Variants in PPA2 observed in about 807,000 individuals in gnomAD.
The protein encoded by PPA2 is inorganic pyrophosphatase 2, mitochondrial.
A neutral mutation model predicts 49.5 loss-of-function variants in PPA2; 48 were observed. The ratio of observed to expected loss-of-function variants is 0.97; its 90% confidence interval spans 0.77 to 1.23. The LOEUF (loss-of-function observed/expected upper bound fraction) is 1.23, where lower values mean the gene tolerates loss of function less well. Among genes scored for constraint, PPA2 ranks in the 50% most tolerant of loss-of-function variants. The pLI is 0.00. For synonymous variants in PPA2, 131 were observed against 139.9 expected (o/e 0.94, Z 0.45); for missense variants, 429 against 410.1 (o/e 1.05, Z -0.40).
intron 7 of PPA2, chr4:105,399,456 A>C: frequency 4.7e-6 from 1 of 211,164 alleles, no homozygotes; most frequent in Non-Finnish European, 9.3e-6. Flanking sequence ...TCTTTTCATC[A>C]AGATACTCAG....
rs776212790 is a variant in PPA2, at chr4:105,399,180, C to CA, written c.656-17dup. 38 of 1,579,450 alleles carry CA rather than the reference C, an allele frequency of 2.4e-5. No homozygotes were observed. On this transcript the variant is annotated splice_polypyrimidine_tract_variant and intron_variant, in intron 7 of 11. Coordinates refer to ENST00000341695, the MANE Select transcript of PPA2 (RefSeq NM_176869.3). Reference sequence around the variant, plus strand: ...TCATCAATATCTGTAAAGAAAAAAACAAAAAGATGTTTTGTTAAGAACCAA... The same window carrying CA: ...TCATCAATATCTGTAAAGAAAAAAACAAAAAAGATGTTTTGTTAAGAACCAA...
chr4:105,402,493 T>C (rs1001525611), intron 7 of PPA2, among the ~76,000 whole-genome samples: 8 of 152,128 alleles, frequency 5.3e-5, no homozygotes, highest in African/African-American at 1.2e-4. Flanking sequence ...AGACAGTAAA[T>C]GCAAATCTTC....
chr4:105,380,785 G>T (rs892971573), intron 10 of PPA2, among the ~76,000 whole-genome samples: 12 of 151,922 alleles, frequency 7.9e-5, no homozygotes, highest in Admixed American at 5.9e-4. Context: ...ATACATAAAT[G>T]GTACATACTA....
At chr4:105,422,675 T>C (rs1279878605) in intron 7 of PPA2, among the ~76,000 whole-genome samples, 4 of 152,208 alleles carry the variant, frequency 2.6e-5, no homozygotes, top group Non-Finnish European at 5.9e-5. Context: ...TCAAACTGTG[T>C]ACTATTTACA....
intron 9 of PPA2, among the ~76,000 whole-genome samples, chr4:105,394,046 G>A (rs1456443613): frequency 6.6e-6 from 1 of 152,018 alleles, no homozygotes; most frequent in African/African-American, 2.4e-5. Context: ...AAAATGTAGA[G>A]GAGGTAAAAG....
At chr4:105,446,764 T>C (rs1722402494) in intron 4 of PPA2, among the ~76,000 whole-genome samples, 1 of 152,124 alleles carries the variant, frequency 6.6e-6, no homozygotes, top group Non-Finnish European at 1.5e-5. Context: ...CTAACACAAA[T>C]AATAAAATGA....
Position 105,450,601 on chromosome 4 carries a change from C to CTTTTTTTTTTTTTT in PPA2, c.268-1212_268-1199dup, listed in dbSNP as rs575896250. ...ATGCTGGCCAGGCTGGTCTGGAATT[C>CTTTTTTTTTTTTTT]TTTTTTTTTTTTTTTTTTTTTTTTG... is the stretch of plus-strand genomic sequence containing the variant. On this transcript the variant is annotated intron_variant, in intron 3 of 11. Coordinates refer to ENST00000341695, the MANE Select transcript of PPA2 (RefSeq NM_176869.3). Among the ~76,000 whole-genome samples, 192 of 82,648 alleles carry CTTTTTTTTTTTTTT rather than the reference C, an allele frequency of 2.3e-3. 24 individuals carry two copies. The highest frequency in any genetic ancestry group is 3.1e-3 in the African/African-American group (69 of 21,966). 54.2% of individuals were successfully genotyped at this position (82,648 alleles called of 152,430 possible).
chr4:105,420,901 A>G (rs964818841), intron 7 of PPA2, among the ~76,000 whole-genome samples: 6 of 152,368 alleles, frequency 3.9e-5, no homozygotes, highest in African/African-American at 1.2e-4. Context: ...TTACATAACA[A>G]TACTGTAAAT....
chr4:105,400,956 G>A (rs1337739183), intron 7 of PPA2, among the ~76,000 whole-genome samples: 1 of 151,976 alleles, frequency 6.6e-6, no homozygotes, highest in African/African-American at 2.4e-5. Flanking sequence ...TTATACCCTA[G>A]GAGAAAACAG....
intron 1 of PPA2, among the ~76,000 whole-genome samples, chr4:105,458,577 T>C (rs1052045634): frequency 4.6e-5 from 7 of 151,902 alleles, no homozygotes; most frequent in Admixed American, 4.6e-4. Flanking sequence ...ATTCCAGCAT[T>C]TTGGGAGGCT....
chr4:105,418,083 A>T (rs906844946), intron 7 of PPA2, among the ~76,000 whole-genome samples: 5 of 152,238 alleles, frequency 3.3e-5, no homozygotes, highest in Admixed American at 2.0e-4. Context: ...CACTTAGCAT[A>T]GTTTCTTCTT....
rs570261285 is a variant in PPA2, at chr4:105,448,716, G to T, written c.321+634C>A. Among the ~76,000 whole-genome samples the T allele has an allele frequency of 2.0e-4, 31 of 151,858 alleles. No homozygotes were observed. The South Asian group carries it at 6.2e-3, about 31-fold the overall frequency. On this transcript the variant is annotated intron_variant, in intron 4 of 11. Coordinates refer to ENST00000341695, the MANE Select transcript of PPA2 (RefSeq NM_176869.3). ...TCCTAATAAATTAAAATTGCCATCA[G>T]CCCCAAATAAAAGTTTCAGTTCCAT...
At chr4:105,395,538 G>A (rs1490591) in intron 9 of PPA2, among the ~76,000 whole-genome samples, 91,383 of 151,990 alleles carry the variant, frequency 0.6, 27,518 homozygotes, top group East Asian at 0.68. Context: ...AACTGTTTCT[G>A]TGAACATTAA....
intron 10 of PPA2, among the ~76,000 whole-genome samples, chr4:105,371,646 C>T (rs112757876): frequency 0.02 from 3,013 of 152,178 alleles, 49 homozygotes; most frequent in Middle Eastern, 0.058. Context: ...ATTTGCTGAC[C>T]TTCAATAGAT....
At chr4:105,445,098 C>T (rs771085393) in intron 5 of PPA2, among the ~76,000 whole-genome samples, 4 of 152,154 alleles carry the variant, frequency 2.6e-5, no homozygotes, top group Non-Finnish European at 4.4e-5. Flanking sequence ...TCTTTATATA[C>T]CCAACACCTA....
intron 7 of PPA2, among the ~76,000 whole-genome samples, chr4:105,416,954 T>C (rs775496650): frequency 2.6e-5 from 4 of 152,222 alleles, no homozygotes; most frequent in Non-Finnish European, 5.9e-5. Context: ...ATAGAGACTA[T>C]ATGCACTGTA....
chr4:105,383,620 C>T (rs116022539), intron 10 of PPA2, among the ~76,000 whole-genome samples: 2,411 of 152,282 alleles, frequency 0.016, 61 homozygotes, highest in African/African-American at 0.051. Context: ...TCAATCAACA[C>T]ACCCTGAGTA....
chr4:105,425,049 A>T (rs2726516), intron 6 of PPA2, among the ~76,000 whole-genome samples: 2 of 151,916 alleles, frequency 1.3e-5, no homozygotes, highest in South Asian at 4.1e-4. Flanking sequence ...TCTCAAACAA[A>T]GGTTACTCTA....
intron 7 of PPA2, among the ~76,000 whole-genome samples, chr4:105,401,004 TA>T (rs146527610): frequency 0.014 from 2,093 of 152,200 alleles, 47 homozygotes; most frequent in African/African-American, 0.046. Flanking sequence ...AAAATTACAG[TA>T]AGATATTTAA....
Sources: allele counts gnomAD v4.1 joint callset (sites outside exome capture counted in the v4.1 genomes callset), GRCh38; gene constraint gnomAD v4.1.1; transcripts MANE v1.5; gene names NCBI Gene and HGNC (gene_info 2026-07-23, HGNC 2026-07-21).